Variants in TMPRSS11F observed in about 807,000 individuals in gnomAD.
TMPRSS11F encodes transmembrane protease serine 11F.
In TMPRSS11F, 47 loss-of-function variants were observed where a neutral mutation model predicts 60.2. The ratio of observed to expected loss-of-function variants is 0.78; its 90% confidence interval spans 0.62 to 1.00. TMPRSS11F has a LOEUF of 1.00. Ranked by LOEUF, TMPRSS11F falls within the 50% of genes least tolerant of loss-of-function variation. The pLI is 0.00. For missense variants in TMPRSS11F, 519 were observed against 522.9 expected, an observed-to-expected ratio of 0.99 and a Z score of 0.07; for synonymous variants, 166 against 167.3, an observed-to-expected ratio of 0.99 and a Z score of 0.06.
chr4:68,062,577 C>G (rs765976624), intron 8 of TMPRSS11F: 1 of 850,462 alleles, frequency 1.2e-6, no homozygotes, highest in Non-Finnish European at 2.0e-6. Flanking sequence ...CATCTACGTA[C>G]TTGCCGTCCT....
chr4:68,060,637 T>C (rs953502933), intron 8 of TMPRSS11F, among the ~76,000 whole-genome samples: 6 of 151,188 alleles, frequency 4.0e-5, no homozygotes, highest in African/African-American at 1.5e-4. Context: ...ACTCGTTTAT[T>C]GTAAAAATCC....
intron 9 of TMPRSS11F, 88 bp from the exon 10 acceptor site, chr4:68,054,155 A>G: frequency 1.6e-6 from 2 of 1,229,286 alleles, no homozygotes; most frequent in Non-Finnish European, 2.3e-6. Flanking sequence ...GAAAAAAGGA[A>G]ATTGGTACAC....
At chr4:68,075,848 C>A (rs1391247368) in intron 3 of TMPRSS11F, among the ~76,000 whole-genome samples, 1 of 151,934 alleles carries the variant, frequency 6.6e-6, no homozygotes, top group African/African-American at 2.4e-5. Flanking sequence ...CAAAAATTAG[C>A]TGGCCATGGT....
chr4:68,105,542 C>A lies in TMPRSS11F; in HGVS notation c.12-6504G>T, dbSNP rs551816711. ...AAAAGTCTTTCATGGCTTTGTCAGA[C>A]CCAAAATAATACAAATAATAAATAC... On this transcript the variant is annotated intron_variant, in intron 1 of 9. Coordinates refer to ENST00000356291, the MANE Select transcript of TMPRSS11F (RefSeq NM_207407.2). 3.9e-5 allele frequency among the ~76,000 whole-genome samples: 6 copies of A among 152,212 alleles called. No homozygotes were observed. The South Asian group carries it at 1.2e-3, about 32-fold the overall frequency.
chr4:68,088,933 T>C (rs535085451), intron 3 of TMPRSS11F, among the ~76,000 whole-genome samples: 1 of 152,190 alleles, frequency 6.6e-6, no homozygotes, highest in Non-Finnish European at 1.5e-5. Context: ...ATGGACATGA[T>C]CATGGATTGG....
chr4:68,071,968 T>C (rs1183741876), intron 5 of TMPRSS11F, among the ~76,000 whole-genome samples: 2 of 151,860 alleles, frequency 1.3e-5, no homozygotes, highest in African/African-American at 4.8e-5. Context: ...CCCCAAGGTT[T>C]GCTAATCCCA....
At chr4:68,082,395 C>T (rs1723714182) in intron 3 of TMPRSS11F, among the ~76,000 whole-genome samples, 1 of 152,188 alleles carries the variant, frequency 6.6e-6, no homozygotes, top group African/African-American at 2.4e-5. Flanking sequence ...AACCCATCCT[C>T]CAAGGCTCTC....
intron 1 of TMPRSS11F, among the ~76,000 whole-genome samples, chr4:68,125,054 T>C (rs1186065360): frequency 6.7e-6 from 1 of 149,972 alleles, no homozygotes. Context: ...CCATATATTA[T>C]ATTCTACAAA....
intron 1 of TMPRSS11F, among the ~76,000 whole-genome samples, chr4:68,120,371 G>A (rs1231782736): frequency 2.8e-5 from 4 of 142,332 alleles, no homozygotes; most frequent in African/African-American, 1.1e-4. Flanking sequence ...ATGCTACAGA[G>A]AAATCTTTTT....
intron 3 of TMPRSS11F, among the ~76,000 whole-genome samples, chr4:68,075,130 T>A (rs114377615): frequency 0.013 from 1,949 of 152,136 alleles, 21 homozygotes; most frequent in Non-Finnish European, 0.021. Context: ...AAAGTCTCCC[T>A]CCCCACAAGA....
At chr4:68,075,226 C>A (rs1355372249) in intron 3 of TMPRSS11F, among the ~76,000 whole-genome samples, 1 of 152,108 alleles carries the variant, frequency 6.6e-6, no homozygotes, top group Admixed American at 6.5e-5. Flanking sequence ...TTCCTTGATT[C>A]AATCTCATTG....
chr4:68,126,228 T>C (rs1053198970), intron 1 of TMPRSS11F, among the ~76,000 whole-genome samples: 2 of 152,260 alleles, frequency 1.3e-5, no homozygotes, highest in South Asian at 4.1e-4. Flanking sequence ...ACAGGATATA[T>C]ACAAACACAT....
intron 2 of TMPRSS11F, among the ~76,000 whole-genome samples, chr4:68,091,997 G>A (rs1051888057): frequency 6.6e-6 from 1 of 151,960 alleles, no homozygotes; most frequent in Non-Finnish European, 1.5e-5. Context: ...TGTTGTCCAG[G>A]CTGGTCTCGA....
At chr4:68,121,892 G>T (rs1371517665) in intron 1 of TMPRSS11F, among the ~76,000 whole-genome samples, 1 of 152,210 alleles carries the variant, frequency 6.6e-6, no homozygotes, top group East Asian at 1.9e-4. Context: ...TTACAGTGCT[G>T]CATATGAAGA....
At chr4:68,059,756 C>T (rs908738796) in intron 8 of TMPRSS11F, among the ~76,000 whole-genome samples, 44 of 152,154 alleles carry the variant, frequency 2.9e-4, no homozygotes, top group African/African-American at 1.1e-3. Flanking sequence ...CCATAGTCCT[C>T]ATTAGATTCT....
rs201360819 is a variant in TMPRSS11F at position 68,099,045 on chromosome 4, T to C, written c.12-7A>G. 1.2e-6 allele frequency: 2 copies of C among 1,605,538 alleles called. No individual in the cohort carries two copies. Among genetic ancestry groups the C allele is most frequent in the East Asian group, 2.2e-5 (1 of 44,762 alleles). ...TTCTGAAAATTCAACAGGTCTGTGA[T>C]AACAGAAAGAAAATAGAGACAATAA... is the stretch of plus-strand genomic sequence containing the variant. On this transcript the variant is annotated splice_polypyrimidine_tract_variant and splice_region_variant and intron_variant, in intron 1 of 9. Coordinates refer to ENST00000356291, the MANE Select transcript of TMPRSS11F (RefSeq NM_207407.2).
At chr4:68,090,888 T>C (rs1723915104) in intron 2 of TMPRSS11F, among the ~76,000 whole-genome samples, 1 of 152,156 alleles carries the variant, frequency 6.6e-6, no homozygotes, top group African/African-American at 2.4e-5. Context: ...TATCAAAATA[T>C]TCATAAAATT....
At chr4:68,057,188 G>C (rs1171596045) in intron 9 of TMPRSS11F, among the ~76,000 whole-genome samples, 1 of 150,368 alleles carries the variant, frequency 6.7e-6, no homozygotes, top group Non-Finnish European at 1.5e-5. Context: ...AGGAAGCTGA[G>C]ACAGGAGAAT....
At chr4:68,060,339 C>G (rs936609053) in intron 8 of TMPRSS11F, among the ~76,000 whole-genome samples, 1 of 146,692 alleles carries the variant, frequency 6.8e-6, no homozygotes, top group Non-Finnish European at 1.5e-5. Flanking sequence ...AACCCTGTCT[C>G]TACTAAAAAT....
Sources: allele counts gnomAD v4.1 joint callset (sites outside exome capture counted in the v4.1 genomes callset), GRCh38; gene constraint gnomAD v4.1.1; transcripts MANE v1.5; gene names NCBI Gene and HGNC (gene_info 2026-07-23, HGNC 2026-07-21).